Variants in RBFOX2 observed in about 807,000 individuals in gnomAD.
RBFOX2 encodes RNA binding fox-1 homolog 2.
Under a neutral mutation model 49.1 loss-of-function variants are expected in RBFOX2, and 10 were observed. The ratio of observed to expected loss-of-function variants is 0.20; its 90% confidence interval spans 0.13 to 0.35. RBFOX2 has a LOEUF of 0.35. RBFOX2 is among the 10% of genes least tolerant of loss of function. The pLI is 1.00. For synonymous variants in RBFOX2, 183 were observed against 187.4 expected (o/e 0.98, Z 0.19); for missense variants, 323 against 486.9 (o/e 0.66, Z 3.17).
intron 4 of RBFOX2, among the ~76,000 whole-genome samples, chr22:35,773,048 GA>G (rs201037899): frequency 0.028 from 3,388 of 121,078 alleles, 120 homozygotes; most frequent in African/African-American, 0.092. Flanking sequence ...GGTAACAAAA[GA>G]AAAAAAAAAA....
intron 1 of RBFOX2, among the ~76,000 whole-genome samples, chr22:35,900,160 T>A (rs141768364): frequency 0.012 from 1,823 of 152,180 alleles, 18 homozygotes; most frequent in Non-Finnish European, 0.02. Context: ...GTGGCCCAGG[T>A]TGGAGTGCAG....
intron 1 of RBFOX2, chr22:35,999,260 T>C (rs1188066987): frequency 6.6e-6 from 1 of 150,568 alleles, no homozygotes; most frequent in Admixed American, 6.7e-5. Flanking sequence ...ACGTACAAAA[T>C]GAATCTTAAA....
intron 2 of RBFOX2, among the ~76,000 whole-genome samples, chr22:35,782,459 C>G (rs916441030): frequency 6.6e-6 from 1 of 152,046 alleles, no homozygotes; most frequent in Non-Finnish European, 1.5e-5. Flanking sequence ...GTAGCTGGGA[C>G]GATAGGTGCC....
chr22:35,840,415 C>A, exon 1 of RBFOX2: 1 of 1,479,490 alleles, frequency 6.8e-7, no homozygotes, highest in Admixed American at 2.5e-5. Context: ...CAGTCTCTCC[C>A]CCTCCTTCTT....
chr22:35,750,537 A>T (rs1454099770), intron 9 of RBFOX2: 4 of 1,108,964 alleles, frequency 3.6e-6, no homozygotes, highest in African/African-American at 1.5e-5. Context: ...GCACACACGG[A>T]CGGCTTTTTG....
intron 2 of RBFOX2, among the ~76,000 whole-genome samples, chr22:35,795,142 C>A (rs556222175): frequency 6.6e-6 from 1 of 152,034 alleles, no homozygotes; most frequent in Non-Finnish European, 1.5e-5. Context: ...TCATAGACAT[C>A]AAAATTTTGG....
At chr22:35,948,859 A>AAG in intron 1 of RBFOX2, among the ~76,000 whole-genome samples, 1 of 151,992 alleles carries the variant, frequency 6.6e-6, no homozygotes, top group South Asian at 2.1e-4. Flanking sequence ...TTCAGTATAC[A>AAG]CTTCTATAGC....
At chr22:35,776,635 A>G (rs1943981339) in intron 4 of RBFOX2, among the ~76,000 whole-genome samples, 1 of 152,214 alleles carries the variant, frequency 6.6e-6, no homozygotes, top group South Asian at 2.1e-4. Context: ...GGCTTTATTT[A>G]GCTTTCCCTC....
chr22:35,881,246 AGAGT>A (rs557489886), intron 1 of RBFOX2, among the ~76,000 whole-genome samples: 217 of 148,772 alleles, frequency 1.5e-3, no homozygotes, highest in African/African-American at 5.0e-3. Flanking sequence ...GCTTGGCAAC[AGAGT>A]GAGACTCCGT....
At chr22:35,973,209 CTTCT>C (rs745686935) in intron 1 of RBFOX2, among the ~76,000 whole-genome samples, 3 of 152,172 alleles carry the variant, frequency 2.0e-5, no homozygotes, top group Non-Finnish European at 2.9e-5. Flanking sequence ...CTCCATGAGC[CTTCT>C]TTGACAGTCT....
chr22:35,847,269 C>T (rs1057104955), intron 1 of RBFOX2, among the ~76,000 whole-genome samples: 1 of 152,188 alleles, frequency 6.6e-6, no homozygotes, highest in Non-Finnish European at 1.5e-5. Context: ...AATGAAAGGT[C>T]AAGTACCTAA....
chr22:35,859,067 G>A (rs1467745184), intron 1 of RBFOX2, among the ~76,000 whole-genome samples: 3 of 152,094 alleles, frequency 2.0e-5, no homozygotes, highest in East Asian at 3.9e-4. Flanking sequence ...AAAATACAGG[G>A]GAGAAAAAGT....
At chr22:35,917,460 C>T (rs1161907019) in intron 1 of RBFOX2, among the ~76,000 whole-genome samples, 1 of 152,142 alleles carries the variant, frequency 6.6e-6, no homozygotes, top group Non-Finnish European at 1.5e-5. Context: ...GGATTTTTAT[C>T]TTTTCTCTTC....
At chr22:35,909,203 G>C (rs2049482208) in intron 1 of RBFOX2, among the ~76,000 whole-genome samples, 1 of 152,136 alleles carries the variant, frequency 6.6e-6, no homozygotes, top group Non-Finnish European at 1.5e-5. Flanking sequence ...CATGCTTCTT[G>C]TTGCAGCTGC....
intron 9 of RBFOX2, among the ~76,000 whole-genome samples, chr22:35,758,080 G>A (rs1937524336): frequency 6.6e-6 from 1 of 152,158 alleles, no homozygotes; most frequent in Non-Finnish European, 1.5e-5. Flanking sequence ...GATGAAATTA[G>A]TTTACTAAGC....
At chr22:35,795,383 C>T (rs1948599835) in intron 2 of RBFOX2, among the ~76,000 whole-genome samples, 1 of 151,948 alleles carries the variant, frequency 6.6e-6, no homozygotes, top group Admixed American at 6.6e-5. Flanking sequence ...GGTAATATAG[C>T]CCAACAATAC....
intron 10 of RBFOX2, 143 bp downstream of exon 12, chr22:35,746,330 G>C (rs1465526488): frequency 6.8e-6 from 5 of 733,184 alleles, no homozygotes; most frequent in Non-Finnish European, 1.1e-5. Flanking sequence ...AGGCCATCAA[G>C]AGGTCTGCAG....
intron 4 of RBFOX2, among the ~76,000 whole-genome samples, chr22:35,772,408 C>A (rs1942926154): frequency 1.3e-5 from 2 of 152,060 alleles, no homozygotes; most frequent in South Asian, 4.1e-4. Context: ...ATTAACATTT[C>A]AATATGGTAT....
At chr22:35,865,392 CAGTT>C (rs2043555518) in intron 1 of RBFOX2, among the ~76,000 whole-genome samples, 2 of 152,144 alleles carry the variant, frequency 1.3e-5, no homozygotes, top group African/African-American at 4.8e-5. Context: ...ACCAATTCCT[CAGTT>C]AAACACTGAG....
Sources: allele counts gnomAD v4.1 joint callset (sites outside exome capture counted in the v4.1 genomes callset), GRCh38; gene constraint gnomAD v4.1.1; transcripts MANE v1.5; gene names NCBI Gene and HGNC (gene_info 2026-07-23, HGNC 2026-07-21).